The following EML5 variants were observed in gnomAD, a reference collection of about 807,000 sequenced individuals.
The protein encoded by EML5 is echinoderm microtubule-associated protein-like 5.
In EML5, 120 loss-of-function variants were observed where a neutral mutation model predicts 250.0. The ratio of observed to expected loss-of-function variants is 0.48; its 90% CI spans 0.41 to 0.56. The LOEUF is 0.56. Ranked by LOEUF, EML5 falls within the 20% of genes least tolerant of loss-of-function variation. The pLI is 0.00. For missense variants in EML5, 2,006 were observed against 2,437.6 expected, an observed-to-expected ratio of 0.82 and a Z score of 3.73; for synonymous variants, 771 against 806.5, an observed-to-expected ratio of 0.96 and a Z score of 0.75.
chr14:88,781,132 C>A (rs1425695136), intron 1 of EML5, among the ~76,000 whole-genome samples: 1 of 152,156 alleles, frequency 6.6e-6, no homozygotes, highest in African/African-American at 2.4e-5. Flanking sequence ...TCTATATCAC[C>A]CTGTGGGTTT....
chr14:88,629,312 A>G (rs2090277224), intron 33 of EML5, among the ~76,000 whole-genome samples: 1 of 152,182 alleles, frequency 6.6e-6, no homozygotes, highest in South Asian at 2.1e-4. Context: ...AATAGCAAGT[A>G]ATCTTAAATT....
chr14:88,710,472 A>C (rs905626182), intron 10 of EML5, among the ~76,000 whole-genome samples: 3 of 152,182 alleles, frequency 2.0e-5, no homozygotes, highest in Non-Finnish European at 2.9e-5. Flanking sequence ...TTGGACTAGC[A>C]ATGCAACTTA....
At chr14:88,690,984 C>T (rs537913907) in intron 17 of EML5, among the ~76,000 whole-genome samples, 1 of 152,348 alleles carries the variant, frequency 6.6e-6, no homozygotes, top group East Asian at 1.9e-4. Context: ...AGTCTGTTTA[C>T]TTCTCTGCAC....
chr14:88,759,706 T>TAAAAAAAAAAAAAAAA (rs2094212320), intron 1 of EML5, among the ~76,000 whole-genome samples: 2 of 66,160 alleles, frequency 3.0e-5, no homozygotes, highest in African/African-American at 8.7e-5. Flanking sequence ...AAAAAAAAAC[T>TAAAAAAAAAAAAAAAA]GGGGAGAAAA....
At chr14:88,621,406 C>A in intron 37 of EML5, 105 bp from the exon 38 acceptor site, 1 of 1,385,392 alleles carries the variant, frequency 7.2e-7, no homozygotes, top group Non-Finnish European at 1.0e-6. Flanking sequence ...GAACTTTTTG[C>A]TTTGAGCTAA....
chr14:88,728,158 G>C (rs1254346705), intron 7 of EML5, among the ~76,000 whole-genome samples: 1 of 151,564 alleles, frequency 6.6e-6, no homozygotes, highest in Admixed American at 6.6e-5. Context: ...GGAAAATGTA[G>C]TTAGGCCTAT....
intron 32 of EML5, among the ~76,000 whole-genome samples, chr14:88,635,018 A>T (rs1275464413): frequency 6.6e-6 from 1 of 152,218 alleles, no homozygotes; most frequent in Non-Finnish European, 1.5e-5. Context: ...AAAGGAAAAA[A>T]GTTCTTTCTT....
chr14:88,726,387 A>G (rs1277536990), intron 8 of EML5, among the ~76,000 whole-genome samples, 154 bp downstream of exon 8: 1 of 152,236 alleles, frequency 6.6e-6, no homozygotes, highest in African/African-American at 2.4e-5. Context: ...TGATGAAATT[A>G]ACATCTGAAA....
At chr14:88,697,652 G>A (rs1294392276) in intron 14 of EML5, among the ~76,000 whole-genome samples, 1 of 152,144 alleles carries the variant, frequency 6.6e-6, no homozygotes, top group African/African-American at 2.4e-5. Context: ...AGCATAAAGA[G>A]ATATAATATC....
intron 23 of EML5, 40 bp from the exon 24 acceptor site, chr14:88,663,159 AC>A: frequency 1.5e-6 from 2 of 1,344,448 alleles, no homozygotes; most frequent in Non-Finnish European, 2.0e-6. Flanking sequence ...CATATAAAAT[AC>A]ATACAAATAT....
intron 17 of EML5, among the ~76,000 whole-genome samples, chr14:88,693,457 A>AC (rs2093004516): frequency 6.6e-6 from 1 of 152,188 alleles, no homozygotes; most frequent in African/African-American, 2.4e-5. Context: ...ATTCACTTCC[A>AC]CAAGAACAGT....
intron 1 of EML5, among the ~76,000 whole-genome samples, chr14:88,768,472 G>A (rs753672831): frequency 4.0e-5 from 6 of 151,710 alleles, no homozygotes; most frequent in African/African-American, 4.8e-5. Flanking sequence ...GTGCAATGGC[G>A]CAATCTTGGC....
At chr14:88,706,955 A>G in intron 10 of EML5, among the ~76,000 whole-genome samples, 1 of 152,230 alleles carries the variant, frequency 6.6e-6, no homozygotes, top group Non-Finnish European at 1.5e-5. Flanking sequence ...ATATTAATCA[A>G]AGTCAAATAT....
intron 1 of EML5, among the ~76,000 whole-genome samples, chr14:88,763,440 C>G (rs1036399775): frequency 6.6e-6 from 1 of 152,116 alleles, no homozygotes; most frequent in South Asian, 2.1e-4. Context: ...ACACACCCCC[C>G]CAAGACTAAA....
intron 8 of EML5, among the ~76,000 whole-genome samples, chr14:88,725,984 T>A (rs1026763829): frequency 2.0e-5 from 3 of 152,196 alleles, no homozygotes; most frequent in African/African-American, 7.2e-5. Flanking sequence ...TCGTAAGTAC[T>A]TATCCTGTGG....
At chr14:88,757,689 T>C (rs149674804) in intron 1 of EML5, among the ~76,000 whole-genome samples, 5 of 152,246 alleles carry the variant, frequency 3.3e-5, no homozygotes, top group East Asian at 3.9e-4. Flanking sequence ...CCAAGGAAGA[T>C]ATACAAAAGG....
At chr14:88,707,750 T>C (rs767843751) in intron 10 of EML5, among the ~76,000 whole-genome samples, 1 of 152,178 alleles carries the variant, frequency 6.6e-6, no homozygotes, top group Non-Finnish European at 1.5e-5. Context: ...AAATTTTTTA[T>C]GTAGCTTAAT....
chr14:88,666,334 C>T (rs1045780084), intron 21 of EML5, among the ~76,000 whole-genome samples: 21 of 152,154 alleles, frequency 1.4e-4, no homozygotes, highest in African/African-American at 4.8e-4. Context: ...TCAAGTGATT[C>T]TCCTGCCTCA....
At chr14:88,665,248 AC>A (rs2092272063) in intron 22 of EML5, 88 bp downstream of exon 22, 1 of 1,380,338 alleles carries the variant, frequency 7.2e-7, no homozygotes, top group Non-Finnish European at 9.7e-7. Flanking sequence ...TTCTGAGATA[AC>A]ATAACAGTTA....
Sources: gnomAD v4.1 joint callset for allele counts (sites outside exome capture counted in the v4.1 genomes callset) on GRCh38, gnomAD v4.1.1 for gene constraint, MANE v1.5 for transcripts, NCBI Gene and HGNC (gene_info 2026-07-23, HGNC 2026-07-21) for gene names.